ZNF565: variants seen among roughly 807,000 people sequenced by gnomAD.
ZNF565 encodes zinc finger protein 565.
A neutral mutation model predicts 39.4 loss-of-function variants in ZNF565; 27 were observed. The ratio of observed to expected loss-of-function variants is 0.69; its 90% CI spans 0.51 to 0.95. The LOEUF is 0.95. Among genes scored for constraint, ZNF565 ranks in the 40% least tolerant of loss-of-function variants. ZNF565 has a pLI of 0.00. For missense variants in ZNF565, 524 were observed against 621.1 expected, an observed-to-expected ratio of 0.84 and a Z score of 1.66; for synonymous variants, 185 against 216.6, an observed-to-expected ratio of 0.85 and a Z score of 1.28.
chr19:36,220,998 G>A (rs1976811810), intron 1 of ZNF565, among the ~76,000 whole-genome samples: 1 of 151,758 alleles, frequency 6.6e-6, no homozygotes, highest in Non-Finnish European at 1.5e-5. Flanking sequence ...GATTACAGGT[G>A]CCCACCATGA....
chr19:36,196,309 T>C (rs28408024), intron 2 of ZNF565, among the ~76,000 whole-genome samples: 96,885 of 151,834 alleles, frequency 0.64, 31,109 homozygotes, highest in African/African-American at 0.71. Flanking sequence ...CTCCTGGTCT[T>C]AAGTGATCCT....
chr19:36,227,108 G>A (rs951027330), intron 1 of ZNF565, among the ~76,000 whole-genome samples: 2 of 150,756 alleles, frequency 1.3e-5, no homozygotes, highest in African/African-American at 4.9e-5. Context: ...TTTTTTTTTG[G>A]CTGGGCGCAG....
chr19:36,192,126 C>T (rs530981568), intron 4 of ZNF565, among the ~76,000 whole-genome samples: 14 of 151,528 alleles, frequency 9.2e-5, no homozygotes, highest in South Asian at 2.1e-4. Context: ...GTAGCTGGGA[C>T]TACAGGCACC....
chr19:36,217,871 G>GAGA (rs1388954181), upstream of ZNF565, among the ~76,000 whole-genome samples: 31 of 139,864 alleles, frequency 2.2e-4, no homozygotes, highest in East Asian at 4.2e-4. Flanking sequence ...GGCAACGAGA[G>GAGA]TGAAACTCCA....
intron 1 of ZNF565, among the ~76,000 whole-genome samples, chr19:36,233,758 C>T (rs960649338): frequency 1.1e-4 from 16 of 152,192 alleles, no homozygotes; most frequent in Admixed American, 4.6e-4. Flanking sequence ...AGCCCTAAGG[C>T]GGTTTTCCCC....
In ZNF565 at chr19:36,194,931, C is replaced by T. The variant is rs147748103; in HGVS notation, c.136+99G>A. The T allele has an allele frequency of 4.0e-4, 639 of 1,579,810 alleles. 4 individuals carry two copies. In the African/African-American group the frequency reaches 7.8e-3, roughly 19 times the overall value. On this transcript the variant is annotated intron_variant, in intron 3 of 4. Transcript: ENST00000304116. ...TTGTAGCGTCTCCTGTGACAGTTTC[C>T]TCTCCTCACCCATTTAGGCAGAGAT... is the stretch of plus-strand genomic sequence containing the variant.
chr19:36,207,867 C>T (rs1364284491), intron 1 of ZNF565, among the ~76,000 whole-genome samples: 4 of 152,114 alleles, frequency 2.6e-5, no homozygotes, highest in Admixed American at 2.0e-4. Flanking sequence ...CTAAAGGTGG[C>T]GGGCCTTCTT....
intron 1 of ZNF565, among the ~76,000 whole-genome samples, chr19:36,242,299 A>G (rs985781612): frequency 6.6e-6 from 1 of 151,998 alleles, no homozygotes; most frequent in African/African-American, 2.4e-5. Flanking sequence ...AGTCTCAGCT[A>G]CTTGGGAGGC....
intron 4 of ZNF565, among the ~76,000 whole-genome samples, chr19:36,193,140 C>T (rs1231011421): frequency 1.3e-5 from 2 of 151,872 alleles, no homozygotes; most frequent in African/African-American, 4.8e-5. Flanking sequence ...GGACTATAGG[C>T]GTCTGCCACC....
At chr19:36,218,441 A>G (rs2145395128), upstream of ZNF565, among the ~76,000 whole-genome samples, 1 of 152,210 alleles carries the variant, frequency 6.6e-6, no homozygotes, top group Non-Finnish European at 1.5e-5. Context: ...CTGAAAGAAT[A>G]AGATATGTAG....
At chr19:36,229,636 T>G (rs1977236088) in intron 1 of ZNF565, among the ~76,000 whole-genome samples, 1 of 152,250 alleles carries the variant, frequency 6.6e-6, no homozygotes, top group South Asian at 2.1e-4. Context: ...AATTTTTCCT[T>G]TTCATATAAA....
At chr19:36,188,225 T>C (rs1242998779) in intron 4 of ZNF565, among the ~76,000 whole-genome samples, 1 of 150,914 alleles carries the variant, frequency 6.6e-6, no homozygotes, top group East Asian at 2.0e-4. Context: ...CATGGTGTTG[T>C]GCACCTGTAG....
intron 1 of ZNF565, among the ~76,000 whole-genome samples, chr19:36,209,710 T>C (rs952025796): frequency 5.3e-5 from 8 of 152,136 alleles, no homozygotes; most frequent in African/African-American, 1.9e-4. Context: ...ATGAACAATC[T>C]ATATTACACA....
At chr19:36,234,262 T>C (rs1328115157) in intron 1 of ZNF565, among the ~76,000 whole-genome samples, 3 of 152,278 alleles carry the variant, frequency 2.0e-5, no homozygotes, top group African/African-American at 7.2e-5. Context: ...CAGAACAAAA[T>C]GGAGTCTCTT....
upstream of ZNF565, among the ~76,000 whole-genome samples, chr19:36,219,225 C>G (rs1976738986): frequency 6.6e-6 from 1 of 152,134 alleles, no homozygotes; most frequent in Admixed American, 6.6e-5. Context: ...GGTGCGATCA[C>G]ATCTCATTGC....
At chr19:36,187,334 A>G (rs1458931371) in intron 4 of ZNF565, among the ~76,000 whole-genome samples, 2 of 151,510 alleles carry the variant, frequency 1.3e-5, no homozygotes, top group African/African-American at 4.8e-5. Context: ...TAATATATAT[A>G]TTTATTTTTA....
intron 1 of ZNF565, among the ~76,000 whole-genome samples, chr19:36,225,926 C>G (rs779717595): frequency 1.7e-4 from 26 of 151,844 alleles, no homozygotes; most frequent in Non-Finnish European, 1.8e-4. Flanking sequence ...CCACACCCTG[C>G]TAATTTTTGG....
At chr19:36,197,024 T>C (rs958387051) in intron 2 of ZNF565, among the ~76,000 whole-genome samples, 40 of 149,436 alleles carry the variant, frequency 2.7e-4, no homozygotes, top group Non-Finnish European at 5.3e-4. Context: ...CACCACACTC[T>C]AGCCTGGGCA....
chr19:36,240,158 C>A (rs969511660), intron 1 of ZNF565, among the ~76,000 whole-genome samples: 1 of 152,142 alleles, frequency 6.6e-6, no homozygotes, highest in Non-Finnish European at 1.5e-5. Flanking sequence ...ATCAACGAAC[C>A]CTGGATGGAA....
Sources: allele counts gnomAD v4.1 joint callset (sites outside exome capture counted in the v4.1 genomes callset), GRCh38; gene constraint gnomAD v4.1.1; transcripts MANE v1.5; gene names NCBI Gene and HGNC (gene_info 2026-07-23, HGNC 2026-07-21).